Variants in VPS53 observed in about 807,000 individuals in gnomAD.
VPS53 encodes vacuolar protein sorting-associated protein 53 homolog.
Under a neutral mutation model 107.0 loss-of-function variants are expected in VPS53, and 70 were observed. The ratio of observed to expected loss-of-function variants is 0.65; its 90% CI spans 0.54 to 0.80. The LOEUF (loss-of-function observed/expected upper bound fraction) is 0.80. Among genes scored for constraint, VPS53 ranks in the 30% least tolerant of loss-of-function variants. The probability of loss-of-function intolerance (pLI) is 0.00; values close to 1 mark genes in which losing one functional copy is unlikely to be tolerated. For synonymous variants in VPS53, 409 were observed against 393.3 expected (o/e 1.04, Z -0.47); for missense variants, 917 against 1,049.4 (o/e 0.87, Z 1.74).
chr17:611,733 G>C (rs1178552804), intron 11 of VPS53, among the ~76,000 whole-genome samples: 3 of 152,078 alleles, frequency 2.0e-5, no homozygotes, highest in Admixed American at 1.3e-4. Context: ...TATTCACATA[G>C]TGAGTTCACA....
intron 7 of VPS53, among the ~76,000 whole-genome samples, chr17:640,227 C>A (rs948168687): frequency 1.3e-5 from 2 of 152,134 alleles, no homozygotes; most frequent in Admixed American, 6.5e-5. Context: ...TCCTGGTGTG[C>A]CATTTGCTAA....
chr17:514,761 GTCTC>G lies in VPS53; in HGVS notation c.*4363_*4366del. 6.6e-6 allele frequency: 1 copy of G among 152,658 alleles called. No individual in the cohort carries two copies. The highest frequency in any genetic ancestry group is 2.1e-4 in the South Asian group (1 of 4,834). 9.5% of individuals were successfully genotyped at this position (152,658 alleles called of 1,614,324 possible). ...TGCGTGCCCTGTACTGGTCATGCTGGTCTCAGCTTGTCTGCTCTCAGTCCTGTCT... is the reference window on the plus strand; with the variant it reads ...TGCGTGCCCTGTACTGGTCATGCTGGAGCTTGTCTGCTCTCAGTCCTGTCT... On this transcript the variant is annotated 3_prime_UTR_variant, in exon 22 of 22. Transcript: ENST00000437048.
intron 4 of VPS53, among the ~76,000 whole-genome samples, chr17:664,777 C>T (rs1411207438): frequency 6.6e-6 from 1 of 152,114 alleles, no homozygotes; most frequent in African/African-American, 2.4e-5. Flanking sequence ...GACGGGAAGA[C>T]GCCGAGCGAT....
At chr17:572,132 A>C (rs916204097) in intron 13 of VPS53, among the ~76,000 whole-genome samples, 1 of 147,860 alleles carries the variant, frequency 6.8e-6, no homozygotes, top group African/African-American at 2.5e-5. Flanking sequence ...CCATCTAGGA[A>C]GTGAGGAGCG....
chr17:687,285 C>CA (rs34025882), intron 4 of VPS53, among the ~76,000 whole-genome samples: 55 of 139,606 alleles, frequency 3.9e-4, no homozygotes, highest in Non-Finnish European at 5.0e-4. Context: ...GACTCCAGCT[C>CA]AAAAAAAAAA....
chr17:608,391 T>A (rs1968680542), intron 11 of VPS53, among the ~76,000 whole-genome samples: 1 of 152,136 alleles, frequency 6.6e-6, no homozygotes, highest in African/African-American at 2.4e-5. Flanking sequence ...TTCAGAAACA[T>A]GGGCAACACT....
intron 19 of VPS53, among the ~76,000 whole-genome samples, chr17:525,235 A>G (rs758564044): frequency 3.3e-5 from 5 of 152,262 alleles, no homozygotes; most frequent in Non-Finnish European, 5.9e-5. Flanking sequence ...ACAAAATCAT[A>G]TATCATTTGT....
Position 711,979 on chromosome 17 carries a change from G to A in VPS53, c.88-1366C>T, listed in dbSNP as rs141145545. ...CTACAGGCGCTCGCCACCATACCCG[G>A]CTTATTTTTTGTGTTTTTAGTAGAG... On this transcript the variant is annotated intron_variant, in intron 1 of 21. Coordinates refer to ENST00000437048, the MANE Select transcript of VPS53 (RefSeq NM_001128159.3). Among the ~76,000 whole-genome samples, 92 of 152,090 alleles carry A rather than the reference G, an allele frequency of 6.0e-4. No individual in the cohort carries two copies. The East Asian group carries it at 0.016, about 27-fold the overall frequency.
In VPS53 at chr17:513,007, A is replaced by C. The variant is rs1012044996; in HGVS notation, c.*6121T>G. The C allele has an allele frequency of 1.3e-5, 2 of 152,402 alleles. No homozygotes were observed. Among genetic ancestry groups the C allele is most frequent in the African/African-American group, 4.8e-5 (2 of 41,420 alleles). The allele number at this position is 152,402 out of a possible 1,614,324, so 9.4% of individuals were successfully genotyped here. ...AGTAGGGTTCCAAGTCAGAAGCAAA[A>C]CACTTTACACAACATTACAGACAGG... is the stretch of plus-strand genomic sequence containing the variant. On this transcript the variant is annotated 3_prime_UTR_variant, in exon 22 of 22. Transcript: ENST00000437048.
intron 11 of VPS53, among the ~76,000 whole-genome samples, chr17:619,317 G>C (rs12945134): frequency 7.4e-6 from 1 of 134,726 alleles, no homozygotes; most frequent in African/African-American, 2.8e-5. Context: ...GACTACAGGC[G>C]CGCACCACCA....
chr17:572,992 C>A (rs1244396716), intron 13 of VPS53, among the ~76,000 whole-genome samples: 1 of 151,706 alleles, frequency 6.6e-6, no homozygotes, highest in Non-Finnish European at 1.5e-5. Flanking sequence ...CCTGCCAAAT[C>A]CCCCTCTGTG....
At chr17:631,501 G>C in intron 8 of VPS53, 49 bp downstream of exon 8, 1 of 1,583,664 alleles carries the variant, frequency 6.3e-7, no homozygotes, top group Non-Finnish European at 8.7e-7. Flanking sequence ...GCGTGAGCTC[G>C]GCAAGGATGG....
At chr17:709,651 CAACACA>C (rs979136892) in intron 2 of VPS53, among the ~76,000 whole-genome samples, 3 of 152,170 alleles carry the variant, frequency 2.0e-5, no homozygotes, top group African/African-American at 7.2e-5. Context: ...CAGTGACTGA[CAACACA>C]TGACAGGCAC....
chr17:653,532 C>G lies in VPS53; in HGVS notation c.489-122G>C, dbSNP rs9900266. 3,067 of 1,450,908 alleles carry G rather than the reference C, an allele frequency of 2.1e-3. 57 individuals carry two copies. In the African/African-American group the frequency reaches 0.039, roughly 19 times the overall value. The allele number at this position is 1,450,908 out of a possible 1,614,324, so 89.9% of individuals were successfully genotyped here. A position where few individuals can be genotyped will look rare whatever the true frequency, so the allele number is the denominator to read the frequency against. On this transcript the variant is annotated intron_variant, in intron 6 of 21. Transcript: ENST00000437048. ...CTCAGCTGAATCAACGTTCGCTGAG[C>G]ACTGAGTATATAAGCTGCTGTGCGT... is the stretch of plus-strand genomic sequence containing the variant.
At chr17:670,836 C>T (rs1354422134) in intron 4 of VPS53, among the ~76,000 whole-genome samples, 1 of 152,178 alleles carries the variant, frequency 6.6e-6, no homozygotes, top group African/African-American at 2.4e-5. Flanking sequence ...CTATTATTCA[C>T]GGTTACTGGG....
chr17:566,123 G>C (rs1237195039), intron 13 of VPS53, among the ~76,000 whole-genome samples: 2 of 147,288 alleles, frequency 1.4e-5, no homozygotes, highest in South Asian at 2.1e-4. Context: ...AGAATGGCGT[G>C]AACCCGGGAG....
intron 7 of VPS53, among the ~76,000 whole-genome samples, chr17:640,527 C>T (rs895022478): frequency 1.3e-5 from 2 of 152,144 alleles, no homozygotes; most frequent in Non-Finnish European, 2.9e-5. Flanking sequence ...TGTTCCTATT[C>T]AGCCATCTTA....
At position 640,066 on chromosome 17, in the gene VPS53, C is replaced by A. The variant is rs1452731002; in HGVS notation, c.609-8438G>T. On this transcript the variant is annotated intron_variant, in intron 7 of 21. Coordinates refer to ENST00000437048, the MANE Select transcript of VPS53 (RefSeq NM_001128159.3). Reference sequence around the variant, plus strand: ...GCTCCATCCAGTTCCAGCTTCCTGGCCACTTTGTTTACCTGCTCAAGCCTC... The same window carrying A: ...GCTCCATCCAGTTCCAGCTTCCTGGACACTTTGTTTACCTGCTCAAGCCTC... Among the ~76,000 whole-genome samples the A allele has an allele frequency of 2.6e-5, 4 of 152,334 alleles. No homozygotes were observed. The East Asian group carries it at 7.7e-4, about 29-fold the overall frequency.
chr17:678,732 G>C (rs1016555270), intron 4 of VPS53, among the ~76,000 whole-genome samples: 37 of 151,772 alleles, frequency 2.4e-4, no homozygotes, highest in African/African-American at 7.7e-4. Context: ...TCCACCCCCC[G>C]GGTTCACGCC....
Sources: gnomAD v4.1 joint callset for allele counts (sites outside exome capture counted in the v4.1 genomes callset) on GRCh38, gnomAD v4.1.1 for gene constraint, MANE v1.5 for transcripts, NCBI Gene and HGNC (gene_info 2026-07-23, HGNC 2026-07-21) for gene names.